Variants in FUBP3 observed in about 807,000 individuals in gnomAD.
FUBP3 encodes far upstream element binding protein 3, also known as far upstream element-binding protein 3.
FUBP3 carries 28 observed loss-of-function variants against 85.6 expected under a neutral mutation model. That is an observed-to-expected ratio of 0.33 (90% CI 0.24 to 0.45). The LOEUF is 0.45. FUBP3 is among the 20% of genes least tolerant of loss of function. The pLI, the probability that FUBP3 is intolerant of heterozygous loss-of-function variation, is 1.00. For missense variants in FUBP3, 583 were observed against 755.1 expected (o/e 0.77, Z 2.67); for synonymous variants, 271 against 271.4 (o/e 1.00, Z 0.01).
Position 130,579,723 on chromosome 9 carries a change from A to G in FUBP3, c.43A>G (p.Lys15Glu). The G allele has an allele frequency of 7.8e-7, 1 of 1,278,262 alleles. No homozygotes were observed. Among genetic ancestry groups the G allele is most frequent in the Non-Finnish European group, 9.9e-7 (1 of 1,008,930 alleles). 79.2% of individuals were successfully genotyped at this position (1,278,262 alleles called of 1,614,324 possible). A position where few individuals can be genotyped will look rare whatever the true frequency, so the allele number is the denominator to read the frequency against. The change falls in exon 1 of 19, where the codon AAG (lysine) becomes GAG (glutamate). Residue 15 changes from lysine to glutamate, a missense_variant. By Grantham distance (56) the Lys-to-Glu change is moderately conservative (BLOSUM62 1). Around this residue, in one of 3 missense-constraint regions of FUBP3, gnomAD observed 177 missense variants for 221.9 expected, o/e 0.80. Transcript: ENST00000319725. The part of the protein sequence containing the change: ...VQGQSAPVGM[K>E]AEGFVDALHR... ...GGGGCAGAGCGCTCCTGTGGGGATGAAGGCCGAGGGCTTCGTGGATGCCCT... is the reference window on the plus strand; with the variant it reads ...GGGGCAGAGCGCTCCTGTGGGGATGGAGGCCGAGGGCTTCGTGGATGCCCT...
intron 3 of FUBP3, among the ~76,000 whole-genome samples, chr9:130,611,916 T>C (rs1831765149): frequency 6.6e-6 from 1 of 152,190 alleles, no homozygotes; most frequent in Non-Finnish European, 1.5e-5. Flanking sequence ...CTCCATCGGA[T>C]ACTGGTTCCA....
intron 15 of FUBP3, 53 bp from the exon 16 acceptor site, chr9:130,632,149 G>A: frequency 2.7e-5 from 40 of 1,503,576 alleles, no homozygotes; most frequent in Non-Finnish European, 3.3e-5. Flanking sequence ...AGAGGGAGAC[G>A]ACAGGGGTGA....
chr9:130,582,731 A>G lies in FUBP3; in HGVS notation c.84+2967A>G, dbSNP rs551135759. Among the ~76,000 whole-genome samples, 62 of 152,290 alleles carry G rather than the reference A, an allele frequency of 4.1e-4. 1 individual carries two copies. In the South Asian group the frequency reaches 0.011, roughly 27 times the overall value. On this transcript the variant is annotated intron_variant, in intron 1 of 18. Coordinates refer to ENST00000319725, the MANE Select transcript of FUBP3 (RefSeq NM_003934.2). ...ATCCAAGTCTGGTTTATGTTGTTCC[A>G]TTCTCCTAAAAATATTTTTAAATGT...
rs763667591 is a variant in FUBP3, at chr9:130,613,047, A to G, written c.346+20A>G. The G allele has an allele frequency of 1.3e-6, 2 of 1,496,404 alleles. No homozygotes were observed. Among genetic ancestry groups the G allele is most frequent in the South Asian group, 2.3e-5 (2 of 87,784 alleles). The allele number at this position is 1,496,404 out of a possible 1,614,324, so 92.7% of individuals were successfully genotyped here. A position where few individuals can be genotyped will look rare whatever the true frequency, so the allele number is the denominator to read the frequency against. ...CTTCAGGTAAGGGCTTTTTAAAAAT[A>G]GATATCAATTTTGTAGAAATCAGTA... On this transcript the variant is annotated intron_variant, in intron 5 of 18. Coordinates refer to ENST00000319725, the MANE Select transcript of FUBP3 (RefSeq NM_003934.2).
intron 2 of FUBP3, among the ~76,000 whole-genome samples, chr9:130,601,801 A>ATTTTTT (rs113638192): frequency 0.3 from 34,388 of 116,180 alleles, 5,942 homozygotes; most frequent in East Asian, 0.45. Context: ...ATAATTCCTA[A>ATTTTTT]TTTTTTTTTT....
intron 18 of FUBP3, 71 bp downstream of exon 18, chr9:130,636,197 T>A (rs753293955): frequency 1.3e-6 from 2 of 1,490,264 alleles, no homozygotes; most frequent in African/African-American, 2.8e-5. Context: ...CTTCTGTGTT[T>A]CCTGACCCCA....
Position 130,630,661 on chromosome 9 carries a change from CAG to C in FUBP3, c.1152_1153del (p.His387ArgfsTer36), listed in dbSNP as rs1227635963. The C allele has an allele frequency of 1.2e-6, 2 of 1,601,474 alleles. No individual in the cohort carries two copies. Among genetic ancestry groups the C allele is most frequent in the African/African-American group, 2.7e-5 (2 of 73,692 alleles). Reference sequence around the variant, plus strand: ...AACATCAAAAGCATCAACCAGCAGTCAGGGGCGCACGTGGAGCTTCAGAGGAA... The same window carrying C: ...AACATCAAAAGCATCAACCAGCAGTCGGGCGCACGTGGAGCTTCAGAGGAA... On this transcript the variant is annotated frameshift_variant, in exon 13 of 19. Transcript: ENST00000319725. LOFTEE classifies it high-confidence loss of function.
At chr9:130,629,218 C>G (rs1227539798) in intron 12 of FUBP3, among the ~76,000 whole-genome samples, 1 of 152,186 alleles carries the variant, frequency 6.6e-6, no homozygotes, top group Admixed American at 6.5e-5. Flanking sequence ...GAAATCAGAG[C>G]TGTGGGTGCT....
At chr9:130,627,076 A>G (rs1052585256) in intron 12 of FUBP3, among the ~76,000 whole-genome samples, 3 of 152,266 alleles carry the variant, frequency 2.0e-5, no homozygotes, top group Admixed American at 1.3e-4. Context: ...CATTAGGAAG[A>G]AACCCTCATT....
chr9:130,626,620 G>GC, intron 12 of FUBP3, 115 bp downstream of exon 12: 1 of 1,083,982 alleles, frequency 9.2e-7, no homozygotes, highest in Non-Finnish European at 1.3e-6. Flanking sequence ...GGCTGGGGCT[G>GC]CCCGGTCTGG....
chr9:130,630,922 T>G (rs1830184461), intron 13 of FUBP3, 134 bp downstream of exon 13: 3 of 700,106 alleles, frequency 4.3e-6, no homozygotes, highest in Middle Eastern at 2.9e-4. Context: ...GCAAGCCCCC[T>G]CCTGCTTTGC....
In FUBP3 at chr9:130,589,701, ATATAT is replaced by A. The variant is rs1412509815; in HGVS notation, c.85-5780_85-5776del. Among the ~76,000 whole-genome samples, 35 of 28,004 alleles carry A rather than the reference ATATAT, an allele frequency of 1.2e-3. 1 individual carries two copies. Among genetic ancestry groups the A allele is most frequent in the African/African-American group, 6.2e-3 (30 of 4,832 alleles). The allele number at this position is 28,004 out of a possible 152,430, so 18.4% of individuals were successfully genotyped here. A position where few individuals can be genotyped will look rare whatever the true frequency, so the allele number is the denominator to read the frequency against. Reference sequence around the variant, plus strand: ...TATATATATATATATATATATATATATATATTTTTTTTTTTTTTTTTTTTTTTAAG... The same window carrying A: ...TATATATATATATATATATATATATATTTTTTTTTTTTTTTTTTTTTTAAG... On this transcript the variant is annotated intron_variant, in intron 1 of 18. Transcript: ENST00000319725.
chr9:130,592,695 C>T (rs750270971), intron 1 of FUBP3, among the ~76,000 whole-genome samples: 2 of 152,012 alleles, frequency 1.3e-5, no homozygotes, highest in Non-Finnish European at 2.9e-5. Context: ...AGGAATGCAC[C>T]ACCACGCACA....
intron 7 of FUBP3, among the ~76,000 whole-genome samples, chr9:130,617,013 C>T (rs1453338644): frequency 1.3e-5 from 2 of 152,200 alleles, no homozygotes; most frequent in Non-Finnish European, 2.9e-5. Flanking sequence ...GAGCCTGTTA[C>T]TGAGTGAATG....
At chr9:130,631,224 C>A (rs879493724) in intron 13 of FUBP3, 1 of 1,240,522 alleles carries the variant, frequency 8.1e-7, no homozygotes, top group Non-Finnish European at 1.0e-6. Flanking sequence ...GGCCACTGCT[C>A]ACCTCAATGG....
intron 2 of FUBP3, among the ~76,000 whole-genome samples, chr9:130,602,819 G>A (rs945891487): frequency 1.3e-5 from 2 of 152,064 alleles, no homozygotes; most frequent in Non-Finnish European, 1.5e-5. Context: ...GGCTTCCCAG[G>A]TTCCTTTTTC....
At chr9:130,633,029 G>A (rs960835600) in intron 16 of FUBP3, among the ~76,000 whole-genome samples, 17 of 152,338 alleles carry the variant, frequency 1.1e-4, no homozygotes, top group African/African-American at 3.1e-4. Context: ...CGCAGGCCCC[G>A]CCTCACAGCC....
intron 2 of FUBP3, among the ~76,000 whole-genome samples, chr9:130,603,911 A>C (rs1831292237): frequency 6.6e-6 from 1 of 152,222 alleles, no homozygotes; most frequent in Non-Finnish European, 1.5e-5. Context: ...TTTATCCCCA[A>C]GAAAGGAAAA....
Position 130,616,193 on chromosome 9 carries a change from C to T in FUBP3, c.405-162C>T, listed in dbSNP as rs527564050. On this transcript the variant is annotated intron_variant, in intron 6 of 18. Coordinates refer to ENST00000319725, the MANE Select transcript of FUBP3 (RefSeq NM_003934.2). This position sits in a 1 kb window ranked among gnomAD's most constrained non-coding sequence, Gnocchi z 4.7. ...TTTAAATTCCAGCCCGGTAGCGTGG[C>T]GGATGGCAGAGAGACCTCCGGGTTG... is the stretch of plus-strand genomic sequence containing the variant. Among the ~76,000 whole-genome samples the T allele has an allele frequency of 6.8e-4, 103 of 152,238 alleles. No homozygotes were observed. Among genetic ancestry groups the T allele is most frequent in the African/African-American group, 2.4e-3 (100 of 41,544 alleles).
Sources: allele counts gnomAD v4.1 joint callset (sites outside exome capture counted in the v4.1 genomes callset), GRCh38; gene constraint gnomAD v4.1.1; regional missense constraint gnomAD v4.1.1; non-coding constraint Gnocchi (gnomAD v3.1); transcripts MANE v1.5; gene names NCBI Gene and HGNC (gene_info 2026-07-23, HGNC 2026-07-21).